The following GABRB1 variants were observed in gnomAD, a reference collection of about 807,000 sequenced individuals.
GABRB1 encodes the protein gamma-aminobutyric acid receptor subunit beta-1.
A neutral mutation model predicts 51.6 loss-of-function variants in GABRB1; 17 were observed. That is an observed-to-expected ratio of 0.33 (90% CI 0.23 to 0.49). The LOEUF is 0.49. Ranked by LOEUF, GABRB1 falls within the 20% of genes least tolerant of loss-of-function variation. The pLI is 0.99. For missense variants in GABRB1, 410 were observed against 600.6 expected (o/e 0.68, Z 3.32); for synonymous variants, 247 against 218.9 (o/e 1.13, Z -1.14).
intron 5 of GABRB1, among the ~76,000 whole-genome samples, chr4:47,326,211 C>A (rs182257427): frequency 5.9e-5 from 9 of 152,256 alleles, no homozygotes; most frequent in African/African-American, 1.9e-4. Context: ...ATCATCATGG[C>A]TTGATGATCC....
intron 3 of GABRB1, among the ~76,000 whole-genome samples, chr4:47,091,205 C>T (rs1401822317): frequency 6.6e-6 from 1 of 152,044 alleles, no homozygotes; most frequent in East Asian, 1.9e-4. Context: ...AAGTAATTAT[C>T]CTGCTCAAAA....
intron 4 of GABRB1, among the ~76,000 whole-genome samples, chr4:47,285,597 G>T (rs933173521): frequency 6.6e-6 from 1 of 152,136 alleles, no homozygotes; most frequent in Non-Finnish European, 1.5e-5. Context: ...AGCAGGAGTT[G>T]GTTCCTAGAG....
At chr4:47,227,659 A>T (rs1384254245) in intron 4 of GABRB1, among the ~76,000 whole-genome samples, 1 of 152,144 alleles carries the variant, frequency 6.6e-6, no homozygotes, top group Non-Finnish European at 1.5e-5. Context: ...TGGTACACCC[A>T]TGGAGACCAA....
intron 2 of GABRB1, 75 bp from the exon 3 acceptor site, chr4:47,032,342 G>C: frequency 7.6e-7 from 1 of 1,321,514 alleles, no homozygotes; most frequent in Non-Finnish European, 1.0e-6. Context: ...AGTAAGGGCT[G>C]GGAAGCCCCC....
chr4:47,346,853 T>C (rs1726115304), intron 5 of GABRB1, among the ~76,000 whole-genome samples: 1 of 152,238 alleles, frequency 6.6e-6, no homozygotes, highest in Non-Finnish European at 1.5e-5. Context: ...GCATCTTCTC[T>C]GATTGGTTTT....
chr4:47,115,484 T>C (rs1170286070), intron 3 of GABRB1, among the ~76,000 whole-genome samples: 1 of 151,154 alleles, frequency 6.6e-6, no homozygotes, highest in African/African-American at 2.4e-5. Flanking sequence ...TTGGAACAAT[T>C]GACTTTTTAT....
intron 8 of GABRB1, among the ~76,000 whole-genome samples, chr4:47,419,558 G>T (rs1384640286): frequency 6.6e-6 from 1 of 152,154 alleles, no homozygotes; most frequent in African/African-American, 2.4e-5. Context: ...GGGGGTCAGG[G>T]TTCCAGTGTT....
chr4:47,131,609 T>C (rs1349542765), intron 3 of GABRB1, among the ~76,000 whole-genome samples: 3 of 152,288 alleles, frequency 2.0e-5, no homozygotes, highest in African/African-American at 4.8e-5. Context: ...TCTGCAATGC[T>C]AGGGAGGCAG....
chr4:47,341,318 C>T (rs548136848), intron 5 of GABRB1, among the ~76,000 whole-genome samples: 6 of 152,012 alleles, frequency 3.9e-5, no homozygotes, highest in Admixed American at 6.6e-5. Flanking sequence ...TTCATTGTTT[C>T]GATCCCACAA....
At chr4:47,323,440 T>C (rs1282874272) in intron 5 of GABRB1, among the ~76,000 whole-genome samples, 1 of 151,564 alleles carries the variant, frequency 6.6e-6, no homozygotes, top group Non-Finnish European at 1.5e-5. Flanking sequence ...TGTTGCTAGG[T>C]TTTAATAAAT....
intron 3 of GABRB1, among the ~76,000 whole-genome samples, chr4:47,141,174 C>T (rs140186006): frequency 1.1e-4 from 16 of 151,928 alleles, no homozygotes; most frequent in African/African-American, 3.1e-4. Flanking sequence ...ATAAGAGAGG[C>T]TAGGCCTGTA....
At chr4:47,421,283 A>G (rs1729083980) in intron 8 of GABRB1, among the ~76,000 whole-genome samples, 1 of 152,128 alleles carries the variant, frequency 6.6e-6, no homozygotes, top group Non-Finnish European at 1.5e-5. Flanking sequence ...ACCAAGGTTA[A>G]CCAAAATAGC....
chr4:47,368,782 T>C (rs1472938171), intron 5 of GABRB1, among the ~76,000 whole-genome samples: 1 of 151,984 alleles, frequency 6.6e-6, no homozygotes, highest in Non-Finnish European at 1.5e-5. Flanking sequence ...TTAAATAATG[T>C]TAGTGGTCAT....
chr4:47,355,682 C>A (rs1726540692), intron 5 of GABRB1, among the ~76,000 whole-genome samples: 1 of 152,104 alleles, frequency 6.6e-6, no homozygotes, highest in Non-Finnish European at 1.5e-5. Context: ...ATTTGGTAGG[C>A]CTAATTACTG....
chr4:47,288,243 C>CTAT (rs34976412), intron 4 of GABRB1, among the ~76,000 whole-genome samples: 3,246 of 148,202 alleles, frequency 0.022, 67 homozygotes, highest in African/African-American at 0.059. Flanking sequence ...GGGCTTATTA[C>CTAT]TATTATTATT....
intron 3 of GABRB1, among the ~76,000 whole-genome samples, chr4:47,140,338 A>G (rs1284709433): frequency 6.6e-6 from 1 of 151,998 alleles, no homozygotes; most frequent in Non-Finnish European, 1.5e-5. Context: ...GAAGCCAAAC[A>G]TTTCTGATCA....
At chr4:47,301,493 G>C (rs939838252) in intron 4 of GABRB1, among the ~76,000 whole-genome samples, 11 of 151,992 alleles carry the variant, frequency 7.2e-5, no homozygotes, top group African/African-American at 2.7e-4. Context: ...ATTTAGCCAG[G>C]CATGGTGGTG....
chr4:47,192,701 A>C (rs1719489199), intron 4 of GABRB1, among the ~76,000 whole-genome samples: 1 of 152,212 alleles, frequency 6.6e-6, no homozygotes, highest in Non-Finnish European at 1.5e-5. Flanking sequence ...TAGATCTGTA[A>C]TCCATTTACT....
At position 47,143,451 on chromosome 4, in the gene GABRB1, G is replaced by A. The variant is rs147454742; in HGVS notation, c.241-17798G>A. The stretch of plus-strand genomic sequence containing the variant: ...TGCTCTATCTTGACAGGAGGAACAG[G>A]CACACACACATACACACAAACACTG... On this transcript the variant is annotated intron_variant, in intron 3 of 8. Transcript: ENST00000295454. Among the ~76,000 whole-genome samples, 8 of 151,718 alleles carry A rather than the reference G, an allele frequency of 5.3e-5. No homozygotes were observed. In the East Asian group the frequency reaches 1.2e-3, roughly 22 times the overall value.
Sources: allele counts gnomAD v4.1 joint callset (sites outside exome capture counted in the v4.1 genomes callset), GRCh38; gene constraint gnomAD v4.1.1; transcripts MANE v1.5; gene names NCBI Gene and HGNC (gene_info 2026-07-23, HGNC 2026-07-21).